Variants in UBE2D2 observed in about 807,000 individuals in gnomAD.
The protein encoded by UBE2D2 is ubiquitin conjugating enzyme E2 D2.
UBE2D2 carries 2 observed loss-of-function variants against 24.2 expected under a neutral mutation model. That is an observed-to-expected ratio of 0.08 (90% CI 0.03 to 0.26). The LOEUF is 0.26. UBE2D2 is among the 10% of genes least tolerant of loss of function. UBE2D2 has a pLI of 1.00. For synonymous variants in UBE2D2, 58 were observed against 56.5 expected (o/e 1.03, Z -0.12); for missense variants, 44 against 177.6 (o/e 0.25, Z 4.28).
At position 139,561,653 on chromosome 5, in the gene UBE2D2, G is replaced by T. The variant is rs1753098476; in HGVS notation, c.-139G>T. On this transcript the variant is annotated 5_prime_UTR_variant, in exon 1 of 7. Coordinates refer to ENST00000398733, the MANE Select transcript of UBE2D2 (RefSeq NM_003339.3). ...TGGGCCCCGGCCCTCAGCCCGTCCC[G>T]CCGGACCCGCTTTCCTCAACTCTCC... 5.0e-6 allele frequency: 3 copies of T among 603,218 alleles called. No homozygotes were observed. Among genetic ancestry groups the T allele is most frequent in the Admixed American group, 8.6e-5 (2 of 23,342 alleles). The allele number at this position is 603,218 out of a possible 1,614,324, so 37.4% of individuals were successfully genotyped here.
chr5:139,593,383 C>T (rs1395600951), intron 1 of UBE2D2, among the ~76,000 whole-genome samples: 2 of 151,958 alleles, frequency 1.3e-5, no homozygotes, highest in Non-Finnish European at 2.9e-5. Context: ...AAGTCCTTAC[C>T]CTTGGGTTAG....
chr5:139,582,136 A>G (rs1050052699), intron 1 of UBE2D2, among the ~76,000 whole-genome samples: 8 of 151,812 alleles, frequency 5.3e-5, no homozygotes, highest in African/African-American at 1.9e-4. Flanking sequence ...ACAGGTGTAT[A>G]GGCACTGCCG....
At chr5:139,595,320 G>A (rs1753936771) in intron 1 of UBE2D2, among the ~76,000 whole-genome samples, 1 of 151,962 alleles carries the variant, frequency 6.6e-6, no homozygotes, top group East Asian at 1.9e-4. Flanking sequence ...CAGTTTTATA[G>A]ATTGTATGTT....
At chr5:139,604,194 G>A (rs1754145209) in intron 2 of UBE2D2, among the ~76,000 whole-genome samples, 1 of 149,094 alleles carries the variant, frequency 6.7e-6, no homozygotes, top group Admixed American at 6.8e-5. Context: ...AGGCTGGAGT[G>A]CAGTGGTGCG....
At chr5:139,546,050 A>C (rs1184321236) in intron 1 of UBE2D2, among the ~76,000 whole-genome samples, 1 of 148,494 alleles carries the variant, frequency 6.7e-6, no homozygotes, top group African/African-American at 2.5e-5. Flanking sequence ...CTTTCTTTTT[A>C]TTTTTTTCTT....
chr5:139,619,029 A>G (rs989201315), intron 5 of UBE2D2, among the ~76,000 whole-genome samples: 7 of 152,234 alleles, frequency 4.6e-5, no homozygotes, highest in Admixed American at 3.9e-4. Context: ...ACTGAAGGGA[A>G]GCAGATAAGT....
At chr5:139,605,188 ATAAAG>A (rs1438062168) in intron 2 of UBE2D2, among the ~76,000 whole-genome samples, 2 of 152,206 alleles carry the variant, frequency 1.3e-5, no homozygotes, top group Non-Finnish European at 2.9e-5. Flanking sequence ...TAGTATAAAA[ATAAAG>A]TAGAGATCTG....
chr5:139,577,238 A>G (rs1753493787), intron 1 of UBE2D2, among the ~76,000 whole-genome samples: 1 of 152,078 alleles, frequency 6.6e-6, no homozygotes, highest in South Asian at 2.1e-4. Context: ...TTAAGTTTCA[A>G]GGATTTACAG....
intron 1 of UBE2D2, among the ~76,000 whole-genome samples, chr5:139,581,287 AAAT>A (rs1374391919): frequency 2.0e-5 from 3 of 152,094 alleles, no homozygotes; most frequent in African/African-American, 7.2e-5. Context: ...TCTCTACTAA[AAAT>A]AACAAAAAAT....
At chr5:139,539,835 G>T (rs1445023619) in intron 1 of UBE2D2, among the ~76,000 whole-genome samples, 3 of 152,004 alleles carry the variant, frequency 2.0e-5, no homozygotes. Context: ...GACCTCAAGT[G>T]ATCCACCTGC....
intron 1 of UBE2D2, among the ~76,000 whole-genome samples, chr5:139,575,678 A>G (rs952847139): frequency 2.6e-5 from 4 of 152,206 alleles, no homozygotes; most frequent in African/African-American, 9.6e-5. Flanking sequence ...GCATCATGCC[A>G]ATATAAGTGA....
At chr5:139,552,306 G>T (rs1232739616) in intron 1 of UBE2D2, among the ~76,000 whole-genome samples, 1 of 151,950 alleles carries the variant, frequency 6.6e-6, no homozygotes, top group East Asian at 1.9e-4. Context: ...GGGATTACAG[G>T]TGTGCACCAC....
At chr5:139,594,737 A>G (rs917009787) in intron 1 of UBE2D2, among the ~76,000 whole-genome samples, 5 of 152,126 alleles carry the variant, frequency 3.3e-5, no homozygotes, top group Non-Finnish European at 7.3e-5. Context: ...TAAATTGAGA[A>G]TGTTCTACTT....
chr5:139,562,244 C>T, intron 1 of UBE2D2: 2 of 1,365,028 alleles, frequency 1.5e-6, no homozygotes, highest in Non-Finnish European at 1.9e-6. Context: ...CCTGCCCTAG[C>T]TCCCTCCACA....
At chr5:139,583,957 A>G (rs1753661901) in intron 1 of UBE2D2, among the ~76,000 whole-genome samples, 1 of 152,190 alleles carries the variant, frequency 6.6e-6, no homozygotes, top group Admixed American at 6.6e-5. Flanking sequence ...CTTGTAGCGC[A>G]ATTCCTTTTT....
intron 1 of UBE2D2, among the ~76,000 whole-genome samples, chr5:139,551,201 C>T (rs566410870): frequency 3.0e-4 from 45 of 152,146 alleles, no homozygotes; most frequent in African/African-American, 1.0e-3. Flanking sequence ...AAAAAATTAG[C>T]TGGATGTGGT....
At chr5:139,584,327 C>G (rs963115188) in intron 1 of UBE2D2, among the ~76,000 whole-genome samples, 4 of 152,076 alleles carry the variant, frequency 2.6e-5, no homozygotes, top group Admixed American at 6.6e-5. Flanking sequence ...CTAGGTTATA[C>G]CATCTCGGTT....
intron 1 of UBE2D2, among the ~76,000 whole-genome samples, chr5:139,555,996 G>C (rs1437009604): frequency 6.6e-6 from 1 of 150,738 alleles, no homozygotes; most frequent in Non-Finnish European, 1.5e-5. Context: ...CAGCACTTCG[G>C]GAGGCTGAGG....
intron 1 of UBE2D2, among the ~76,000 whole-genome samples, chr5:139,588,247 C>A (rs888980028): frequency 1.3e-5 from 2 of 150,938 alleles, no homozygotes; most frequent in Non-Finnish European, 2.9e-5. Flanking sequence ...CCTTGTTTAG[C>A]GTTTTTTTTT....
Sources: allele counts gnomAD v4.1 joint callset (sites outside exome capture counted in the v4.1 genomes callset), GRCh38; gene constraint gnomAD v4.1.1; transcripts MANE v1.5; gene names NCBI Gene and HGNC (gene_info 2026-07-23, HGNC 2026-07-21).